Variants in PTCD3 observed in about 807,000 individuals in gnomAD.
The protein encoded by PTCD3 is pentatricopeptide repeat domain 3, also known as small ribosomal subunit protein mS39.
Under a neutral mutation model 101.9 loss-of-function variants are expected in PTCD3, and 89 were observed. The observed-to-expected ratio is 0.87, with a 90% CI of 0.74 to 1.04. The LOEUF (loss-of-function observed/expected upper bound fraction) is 1.04, where lower values mean the gene tolerates loss of function less well. Among genes scored for constraint, PTCD3 ranks in the 50% least tolerant of loss-of-function variants. PTCD3 has a pLI of 0.00. For missense variants in PTCD3, 870 were observed against 828.2 expected (o/e 1.05, Z -0.62); for synonymous variants, 296 against 278.5 (o/e 1.06, Z -0.63).
At chr2:86,132,861 G>T in intron 17 of PTCD3, 1 of 373,294 alleles carries the variant, frequency 2.7e-6, no homozygotes, top group Admixed American at 4.3e-5. Context: ...AGATGTGTGA[G>T]AATTGTTTTC....
intron 4 of PTCD3, among the ~76,000 whole-genome samples, chr2:86,113,510 A>C (rs1433273780): frequency 6.6e-6 from 1 of 152,198 alleles, no homozygotes; most frequent in African/African-American, 2.4e-5. Context: ...CTACATCTAA[A>C]AATGGAACTA....
At chr2:86,135,927 G>A (rs773365433) in intron 21 of PTCD3, 5 of 519,060 alleles carry the variant, frequency 9.6e-6, no homozygotes, top group Admixed American at 1.9e-5. Flanking sequence ...GGAGCTGAAT[G>A]TATGTGTTTC....
At chr2:86,116,620 T>C (rs751312132) in intron 5 of PTCD3, 22 bp downstream of exon 5, 1 of 1,560,742 alleles carries the variant, frequency 6.4e-7, no homozygotes, top group Non-Finnish European at 8.8e-7. Context: ...CATATAATTT[T>C]CTAGTGTTTT....
rs1674614932 is a variant in PTCD3 at position 86,137,742 on chromosome 2, A to C, written c.*183A>C. 2.6e-6 allele frequency: 2 copies of C among 760,042 alleles called. No individual in the cohort carries two copies. Among genetic ancestry groups the C allele is most frequent in the Non-Finnish European group, 4.1e-6 (2 of 491,822 alleles). 47.1% of individuals were successfully genotyped at this position (760,042 alleles called of 1,614,324 possible). On this transcript the variant is annotated 3_prime_UTR_variant, in exon 24 of 24. Coordinates refer to ENST00000254630, the MANE Select transcript of PTCD3 (RefSeq NM_017952.6). ...TGTAGATTTAAGCTGCTAATATGCTACTTAACCATCTATTAATGCACCATT... is the reference window on the plus strand; with the variant it reads ...TGTAGATTTAAGCTGCTAATATGCTCCTTAACCATCTATTAATGCACCATT...
chr2:86,127,340 G>T, intron 13 of PTCD3, 35 bp downstream of exon 13: 2 of 1,598,448 alleles, frequency 1.3e-6, no homozygotes, highest in South Asian at 2.3e-5. Flanking sequence ...TGAGGACAGA[G>T]ACTGTGCCAG....
rs543379047 is a variant in PTCD3 at position 86,132,113 on chromosome 2, A to G, written c.1267-205A>G. Among the ~76,000 whole-genome samples, 5 of 152,356 alleles carry G rather than the reference A, an allele frequency of 3.3e-5. No individual in the cohort carries two copies. The East Asian group carries it at 9.6e-4, about 29-fold the overall frequency. On this transcript the variant is annotated intron_variant, in intron 16 of 23. Transcript: ENST00000254630. ...TGTTACAGGATTAATTTTTAATGGT[A>G]TAATTGCTTAATTAAAATAATATTG... is the stretch of plus-strand genomic sequence containing the variant.
chr2:86,117,453 C>CTT (rs758220686), intron 6 of PTCD3, among the ~76,000 whole-genome samples: 1 of 143,366 alleles, frequency 7.0e-6, no homozygotes. Flanking sequence ...CTTTCTCTTC[C>CTT]TTTTTTTTTT....
At chr2:86,121,392 A>T in intron 7 of PTCD3, 87 bp from the exon 8 acceptor site, 4 of 784,962 alleles carry the variant, frequency 5.1e-6, no homozygotes, top group Non-Finnish European at 8.3e-6. Flanking sequence ...ACCACCGCTA[A>T]TATAAAAAAA....
chr2:86,117,768 C>T (rs571003997), intron 6 of PTCD3, among the ~76,000 whole-genome samples: 75 of 151,854 alleles, frequency 4.9e-4, no homozygotes, highest in South Asian at 2.1e-3. Flanking sequence ...GCTCTTGATC[C>T]GCTTCTTTTT....
Position 86,134,348 on chromosome 2 carries a change from C to T in PTCD3, c.1600C>T (p.Leu534Phe). 1 of 1,613,540 alleles carries T rather than the reference C, an allele frequency of 6.2e-7. No homozygotes were observed. Among genetic ancestry groups the T allele is most frequent in the Non-Finnish European group, 8.5e-7 (1 of 1,179,506 alleles). ...RSDLREEILM[L>F]MARDKHPPEL... The stretch of plus-strand genomic sequence containing the variant: ...TGACCTGAGAGAAGAGATCCTGATG[C>T]TCATGGCAAGGGACAAGCACCCACC... The change falls in exon 20 of 24, where the codon CTC becomes TTC. Residue 534 changes from leucine (L) to phenylalanine (F), a missense_variant. Leu to Phe is a conservative substitution (Grantham distance 22, BLOSUM62 0). Coordinates refer to ENST00000254630, the MANE Select transcript of PTCD3 (RefSeq NM_017952.6).
chr2:86,108,850 G>T, intron 3 of PTCD3: 2 of 259,478 alleles, frequency 7.7e-6, no homozygotes, highest in Non-Finnish European at 1.4e-5. Flanking sequence ...TTTCAAGGAA[G>T]TTCTCTCATA....
At chr2:86,119,713 AC>A (rs1674247275) in intron 7 of PTCD3, 1 of 152,228 alleles carries the variant, frequency 6.6e-6, no homozygotes, top group Admixed American at 6.5e-5. Context: ...AGAAAGAAAT[AC>A]GTGAAAAGGA....
intron 17 of PTCD3, 87 bp from the exon 18 acceptor site, chr2:86,133,091 T>G: frequency 6.6e-7 from 1 of 1,504,238 alleles, no homozygotes; most frequent in Non-Finnish European, 8.9e-7. Context: ...CTTTGTAACA[T>G]ATAATATGCT....
intron 8 of PTCD3, among the ~76,000 whole-genome samples, chr2:86,122,182 AT>A (rs1467166556): frequency 6.6e-6 from 1 of 152,240 alleles, no homozygotes; most frequent in Non-Finnish European, 1.5e-5. Flanking sequence ...TGATCAAATG[AT>A]GATAAAAGTT....
At chr2:86,116,693 T>G in intron 5 of PTCD3, 95 bp downstream of exon 5, 1 of 936,468 alleles carries the variant, frequency 1.1e-6, no homozygotes, top group East Asian at 2.4e-5. Context: ...GGGAAAGGTT[T>G]ACAAATGCTG....
At chr2:86,130,492 G>C (rs1172916164) in intron 14 of PTCD3, among the ~76,000 whole-genome samples, 156 bp from the exon 15 acceptor site, 1 of 152,194 alleles carries the variant, frequency 6.6e-6, no homozygotes, top group African/African-American at 2.4e-5. Flanking sequence ...GCAGGGTATA[G>C]TGGTTCCTTT....
chr2:86,135,778 G>T (rs999654609), intron 21 of PTCD3: 1 of 396,136 alleles, frequency 2.5e-6, no homozygotes, highest in Non-Finnish European at 4.9e-6. Context: ...GCTCACACGT[G>T]TCTCTCTAGC....
At chr2:86,128,798 A>G (rs1291785039) in intron 14 of PTCD3, among the ~76,000 whole-genome samples, 2 of 152,204 alleles carry the variant, frequency 1.3e-5, no homozygotes, top group African/African-American at 4.8e-5. Flanking sequence ...CAGCTATGTC[A>G]AAGCGACTAG....
intron 4 of PTCD3, among the ~76,000 whole-genome samples, chr2:86,113,016 A>C (rs964200349): frequency 6.6e-6 from 1 of 152,192 alleles, no homozygotes; most frequent in African/African-American, 2.4e-5. Context: ...TTTAATAGCC[A>C]AGCAACTAGC....
Sources: gnomAD v4.1 joint callset for allele counts (sites outside exome capture counted in the v4.1 genomes callset) on GRCh38, gnomAD v4.1.1 for gene constraint, MANE v1.5 for transcripts, NCBI Gene and HGNC (gene_info 2026-07-23, HGNC 2026-07-21) for gene names.